Variants in PIK3R3 observed in about 807,000 individuals in gnomAD.
The protein encoded by PIK3R3 is phosphoinositide-3-kinase regulatory subunit 3.
PIK3R3 carries 64 observed loss-of-function variants against 62.9 expected under a neutral mutation model. The ratio of observed to expected loss-of-function variants is 1.02; its 90% CI spans 0.83 to 1.25. The LOEUF (loss-of-function observed/expected upper bound fraction) is 1.25. PIK3R3 is among the 50% of genes most tolerant of loss of function. The pLI, the probability that PIK3R3 is intolerant of heterozygous loss-of-function variation, is 0.00. For synonymous variants in PIK3R3, 165 were observed against 189.0 expected (o/e 0.87, Z 1.04); for missense variants, 614 against 561.6 (o/e 1.09, Z -0.94).
intron 1 of PIK3R3, among the ~76,000 whole-genome samples, chr1:46,081,081 T>C (rs1464672017): frequency 6.6e-6 from 1 of 152,134 alleles, no homozygotes; most frequent in African/African-American, 2.4e-5. Flanking sequence ...AACATGAGGA[T>C]TATAGTTAAT....
rs1553148026 is a variant in PIK3R3, at chr1:46,071,712, A to ATATATAT, written c.315-4622_315-4621insATATATA. 3.3e-3 allele frequency among the ~76,000 whole-genome samples: 82 copies of ATATATAT among 24,624 alleles called. 3 individuals are homozygous for ATATATAT. Among genetic ancestry groups the ATATATAT allele is most frequent in the Non-Finnish European group, 4.9e-3 (62 of 12,776 alleles). The allele number at this position is 24,624 out of a possible 152,430, so 16.2% of individuals were successfully genotyped here. A position where few individuals can be genotyped will look rare whatever the true frequency, so the allele number is the denominator to read the frequency against. ...CTCTGTCTCCAAAAAAAAAAAAAAAAATATATATATATATATATAGAGAGA... is the reference window on the plus strand; with the variant it reads ...CTCTGTCTCCAAAAAAAAAAAAAAAATATATATATATATATATATATATATAGAGAGA... On this transcript the variant is annotated intron_variant, in intron 3 of 9. Coordinates refer to ENST00000262741, the MANE Select transcript of PIK3R3 (RefSeq NM_003629.4).
intron 1 of PIK3R3, among the ~76,000 whole-genome samples, chr1:46,092,939 C>T (rs757285192): frequency 1.3e-5 from 2 of 152,154 alleles, no homozygotes; most frequent in Admixed American, 1.3e-4. Context: ...CTCTCTCTCT[C>T]GGCTAATAAA....
rs1239200906 is a variant in PIK3R3, at chr1:46,066,982, G to A, written c.424C>T (p.His142Tyr). 2 of 1,611,356 alleles carry A rather than the reference G, an allele frequency of 1.2e-6. No individual in the cohort carries two copies. Among genetic ancestry groups the A allele is most frequent in the South Asian group, 1.1e-5 (1 of 90,838 alleles). Residue 142 changes from histidine (H) to tyrosine (Y), a missense_variant, in exon 4 of 10, where the codon CAT (histidine) becomes TAT (tyrosine). Transcript: ENST00000262741. The part of the protein sequence containing the change: ...SVVELINHYH[H>Y]ESLAQYNPKL... ...GGATTGTACTGAGCAAGAGATTCAT[G>A]GTGATAGTGGTTAATGAGCTCCACC... is the stretch of plus-strand genomic sequence containing the variant.
the PIK3R3 span, among the ~76,000 whole-genome samples, chr1:46,164,259 C>T: frequency 6.6e-6 from 1 of 152,288 alleles, no homozygotes; most frequent in African/African-American, 2.4e-5. Flanking sequence ...ACCCAGGACC[C>T]AAGCTGGAAA....
chr1:46,075,927 A>G lies in PIK3R3; in HGVS notation c.314+1588T>C, dbSNP rs553715266. On this transcript the variant is annotated intron_variant, in intron 3 of 9. Coordinates refer to ENST00000262741, the MANE Select transcript of PIK3R3 (RefSeq NM_003629.4). ...CCCATAGGGGGTGAGGAGGATTGGT[A>G]TAAGTCCTGGAGTCCAAAGGCTGGA... 4.6e-5 allele frequency among the ~76,000 whole-genome samples: 7 copies of G among 152,352 alleles called. No homozygotes were observed. In the South Asian group the frequency reaches 1.0e-3, roughly 23 times the overall value.
At chr1:46,136,014 G>A (rs1026878731), upstream of PIK3R3, among the ~76,000 whole-genome samples, 13 of 146,226 alleles carry the variant, frequency 8.9e-5, no homozygotes, top group African/African-American at 3.0e-4. Flanking sequence ...TGGACAACAG[G>A]GCGAGACTCA....
At chr1:46,093,255 C>A (rs9429187) in intron 1 of PIK3R3, among the ~76,000 whole-genome samples, 32,084 of 152,046 alleles carry the variant, frequency 0.21, 3,771 homozygotes, top group Non-Finnish European at 0.26. Flanking sequence ...TCAGAATTTG[C>A]CTTTAAGTTT....
At chr1:46,143,642 C>T in the PIK3R3 span, among the ~76,000 whole-genome samples, 2 of 151,364 alleles carry the variant, frequency 1.3e-5, no homozygotes, top group South Asian at 4.2e-4. Context: ...GCCCAGCTAA[C>T]TAAGAAAAAA....
chr1:46,040,420 C>T lies in PIK3R3; in HGVS notation c.*3253G>A, dbSNP rs879114175. On this transcript the variant is annotated 3_prime_UTR_variant, in exon 10 of 10. Transcript: ENST00000262741. Reference sequence around the variant, plus strand: ...TAAACTACACGAATTTTCTTGGACACATCAAAGACAACAGAATAGATTTTT... The same window carrying T: ...TAAACTACACGAATTTTCTTGGACATATCAAAGACAACAGAATAGATTTTT... The T allele has an allele frequency of 8.7e-6, 2 of 231,010 alleles. No homozygotes were observed. The highest frequency in any genetic ancestry group is 3.6e-4 in the South Asian group (2 of 5,500). The allele number at this position is 231,010 out of a possible 1,614,324, so 14.3% of individuals were successfully genotyped here.
the PIK3R3 span, among the ~76,000 whole-genome samples, chr1:46,142,480 C>T: frequency 1.3e-5 from 2 of 152,084 alleles, no homozygotes; most frequent in African/African-American, 2.4e-5. Context: ...AGGTGGATCA[C>T]GAGGTCAGGA....
chr1:46,063,464 A>C (rs544554695), intron 5 of PIK3R3, among the ~76,000 whole-genome samples: 1 of 152,350 alleles, frequency 6.6e-6, no homozygotes, highest in East Asian at 1.9e-4. Flanking sequence ...ATTATAGTGG[A>C]GAGCTTTAGC....
chr1:46,134,542 T>A (rs1655859818), upstream of PIK3R3: 1 of 152,234 alleles, frequency 6.6e-6, no homozygotes, highest in Non-Finnish European at 1.5e-5. Flanking sequence ...TAGAAGATAC[T>A]GGAAGATCAA....
chr1:46,061,679 A>T (rs1470101039), intron 6 of PIK3R3, among the ~76,000 whole-genome samples: 1 of 152,184 alleles, frequency 6.6e-6, no homozygotes, highest in Non-Finnish European at 1.5e-5. Flanking sequence ...GGAATCAGGG[A>T]ACAGTTTCTA....
chr1:46,164,781 G>A, the PIK3R3 span, among the ~76,000 whole-genome samples: 1 of 152,008 alleles, frequency 6.6e-6, no homozygotes, highest in Admixed American at 6.6e-5. Flanking sequence ...TTACCTACCT[G>A]GTTTTGCTTA....
In PIK3R3 at chr1:46,118,433, T is replaced by A. The variant is rs575993970; in HGVS notation, c.106+13414A>T. Among the ~76,000 whole-genome samples the A allele has an allele frequency of 2.6e-4, 39 of 152,218 alleles. No individual in the cohort carries two copies. In the South Asian group the frequency reaches 8.1e-3, roughly 32 times the overall value. On this transcript the variant is annotated intron_variant, in intron 1 of 9. Coordinates refer to ENST00000262741, the MANE Select transcript of PIK3R3 (RefSeq NM_003629.4). ...TCTTTAAGCCAAGAATCATAGTACA[T>A]CACTGTTCAATACACTTTGATGGCT...
At chr1:46,085,206 A>G (rs148899731) in intron 1 of PIK3R3, among the ~76,000 whole-genome samples, 10 of 152,344 alleles carry the variant, frequency 6.6e-5, no homozygotes, top group Non-Finnish European at 1.5e-4. Context: ...GAACACAATC[A>G]TAAGATCTGA....
intron 1 of PIK3R3, among the ~76,000 whole-genome samples, chr1:46,130,533 TTAG>T (rs1161229057): frequency 5.9e-5 from 9 of 152,010 alleles, no homozygotes; most frequent in Admixed American, 1.3e-4. Context: ...ATACTAGTTT[TTAG>T]TACAGCACCA....
At chr1:46,099,854 T>C (rs1312137783) in intron 1 of PIK3R3, among the ~76,000 whole-genome samples, 1 of 152,232 alleles carries the variant, frequency 6.6e-6, no homozygotes, top group African/African-American at 2.4e-5. Flanking sequence ...AGAGTTTTCC[T>C]TATTCTACAT....
the PIK3R3 span, among the ~76,000 whole-genome samples, chr1:46,144,576 T>A: frequency 6.6e-6 from 1 of 152,118 alleles, no homozygotes; most frequent in African/African-American, 2.4e-5. Context: ...GAGACCATCC[T>A]CGCCATCGTG....
Sources: allele counts gnomAD v4.1 joint callset (sites outside exome capture counted in the v4.1 genomes callset), GRCh38; gene constraint gnomAD v4.1.1; transcripts MANE v1.5; gene names NCBI Gene and HGNC (gene_info 2026-07-23, HGNC 2026-07-21).